The following RBMS3 variants were observed in gnomAD, a reference collection of about 807,000 sequenced individuals.
RBMS3 encodes RNA-binding motif, single-stranded-interacting protein 3.
RBMS3 carries 27 observed loss-of-function variants against 66.8 expected under a neutral mutation model. The ratio of observed to expected loss-of-function variants is 0.40; its 90% confidence interval spans 0.30 to 0.56. RBMS3 has a LOEUF of 0.56. RBMS3 is among the 20% of genes least tolerant of loss of function. The pLI is 0.40. For synonymous variants in RBMS3, 188 were observed against 183.0 expected, an observed-to-expected ratio of 1.03 and a Z score of -0.22; for missense variants, 513 against 549.5, an observed-to-expected ratio of 0.93 and a Z score of 0.66.
At chr3:29,942,305 G>A (rs898728093) in intron 11 of RBMS3, among the ~76,000 whole-genome samples, 1 of 151,678 alleles carries the variant, frequency 6.6e-6, no homozygotes, top group Non-Finnish European at 1.5e-5. Context: ...GATTGCTTGA[G>A]GTCAGGAGTT....
intron 1 of RBMS3, among the ~76,000 whole-genome samples, chr3:29,381,577 T>C (rs1044320358): frequency 6.6e-6 from 1 of 152,168 alleles, no homozygotes; most frequent in African/African-American, 2.4e-5. Flanking sequence ...GAAGAAATAA[T>C]GTAGAAAGAG....
intron 4 of RBMS3, among the ~76,000 whole-genome samples, chr3:29,725,977 G>A (rs189015541): frequency 5.9e-5 from 9 of 152,200 alleles, no homozygotes; most frequent in Non-Finnish European, 1.0e-4. Context: ...CTTGCAAACC[G>A]AATCTGGCAG....
At chr3:29,589,028 G>GTTCT (rs2047632804) in intron 4 of RBMS3, among the ~76,000 whole-genome samples, 1 of 152,078 alleles carries the variant, frequency 6.6e-6, no homozygotes, top group Non-Finnish European at 1.5e-5. Context: ...AATGAAAACA[G>GTTCT]CATGCATAAT....
At chr3:29,906,964 G>A (rs544337490) in intron 10 of RBMS3, among the ~76,000 whole-genome samples, 1 of 152,020 alleles carries the variant, frequency 6.6e-6, no homozygotes, top group Non-Finnish European at 1.5e-5. Flanking sequence ...TCCCAGTTGA[G>A]AAATTTTTTA....
At chr3:29,373,491 A>G (rs1445906393) in intron 1 of RBMS3, among the ~76,000 whole-genome samples, 1 of 152,234 alleles carries the variant, frequency 6.6e-6, no homozygotes, top group Non-Finnish European at 1.5e-5. Flanking sequence ...CAGAAGGGAA[A>G]CAAGAGTCAG....
intron 2 of RBMS3, among the ~76,000 whole-genome samples, chr3:29,475,199 G>A (rs1038190695): frequency 5.3e-5 from 8 of 151,636 alleles, no homozygotes; most frequent in Non-Finnish European, 7.4e-5. Context: ...AATTAGTCAA[G>A]TACAATGCAT....
chr3:29,996,474 A>G (rs2125389442), intron 14 of RBMS3, among the ~76,000 whole-genome samples: 1 of 150,146 alleles, frequency 6.7e-6, no homozygotes, highest in South Asian at 2.1e-4. Flanking sequence ...CATTTTTTTC[A>G]GCACCACACC....
At chr3:29,752,895 C>A (rs1479325065) in intron 5 of RBMS3, among the ~76,000 whole-genome samples, 1 of 152,052 alleles carries the variant, frequency 6.6e-6, no homozygotes, top group Non-Finnish European at 1.5e-5. Context: ...AGATTACCAG[C>A]AAAAATATCT....
intron 2 of RBMS3, among the ~76,000 whole-genome samples, chr3:29,479,555 G>C (rs2043062239): frequency 6.6e-6 from 1 of 150,772 alleles, no homozygotes; most frequent in Non-Finnish European, 1.5e-5. Context: ...AAAGTACTGG[G>C]TGCTTTCATA....
intron 5 of RBMS3, among the ~76,000 whole-genome samples, chr3:29,755,998 G>A (rs1232062654): frequency 1.3e-5 from 2 of 152,130 alleles, no homozygotes; most frequent in Non-Finnish European, 2.9e-5. Context: ...CAAGTTCAGT[G>A]ATAAACAGCA....
chr3:29,464,897 T>C (rs1418380726), intron 2 of RBMS3, among the ~76,000 whole-genome samples: 1 of 152,184 alleles, frequency 6.6e-6, no homozygotes, highest in African/African-American at 2.4e-5. Context: ...TAACAGAATA[T>C]TGGACTGATT....
At chr3:29,739,114 T>C (rs2054507290) in intron 4 of RBMS3, among the ~76,000 whole-genome samples, 1 of 152,124 alleles carries the variant, frequency 6.6e-6, no homozygotes, top group Non-Finnish European at 1.5e-5. Flanking sequence ...TGGTTAATGG[T>C]AATAAAAAAG....
At chr3:29,373,310 T>G (rs1423414859) in intron 1 of RBMS3, among the ~76,000 whole-genome samples, 2 of 152,222 alleles carry the variant, frequency 1.3e-5, no homozygotes, top group African/African-American at 2.4e-5. Flanking sequence ...AAAAAGATAC[T>G]ATTTGGTCAT....
chr3:29,362,819 C>T (rs1386895098), intron 1 of RBMS3, among the ~76,000 whole-genome samples: 2 of 152,178 alleles, frequency 1.3e-5, no homozygotes, highest in Non-Finnish European at 2.9e-5. Flanking sequence ...TTAACGCTGA[C>T]GTCGAATCTA....
intron 6 of RBMS3, among the ~76,000 whole-genome samples, chr3:29,789,742 A>G (rs537778736): frequency 6.6e-6 from 1 of 152,108 alleles, no homozygotes; most frequent in African/African-American, 2.4e-5. Flanking sequence ...TTTAAAATTT[A>G]TATTTTACCT....
At chr3:29,961,917 T>C (rs1182277566) in intron 12 of RBMS3, among the ~76,000 whole-genome samples, 1 of 150,320 alleles carries the variant, frequency 6.7e-6, no homozygotes. Context: ...TTGTGTAGAA[T>C]GTTAATTTTT....
intron 3 of RBMS3, among the ~76,000 whole-genome samples, chr3:29,491,136 C>T (rs1228864660): frequency 6.6e-6 from 1 of 152,166 alleles, no homozygotes; most frequent in South Asian, 2.1e-4. Flanking sequence ...AGGGATGTAA[C>T]TAAAAATGGG....
chr3:29,564,617 G>T (rs975086127), intron 3 of RBMS3, among the ~76,000 whole-genome samples: 3 of 151,966 alleles, frequency 2.0e-5, no homozygotes, highest in African/African-American at 7.3e-5. Flanking sequence ...ATAGCATATA[G>T]TATGTAACCT....
At chr3:29,568,126 T>C (rs1206747567) in intron 3 of RBMS3, among the ~76,000 whole-genome samples, 2 of 152,204 alleles carry the variant, frequency 1.3e-5, no homozygotes, top group African/African-American at 4.8e-5. Context: ...ATAATCATTC[T>C]TCACATTGGT....
Sources: allele counts gnomAD v4.1 joint callset (sites outside exome capture counted in the v4.1 genomes callset), GRCh38; gene constraint gnomAD v4.1.1; transcripts MANE v1.5; gene names NCBI Gene and HGNC (gene_info 2026-07-23, HGNC 2026-07-21).